CBL: variants seen among roughly 807,000 people sequenced by gnomAD.
CBL encodes Cbl proto-oncogene.
CBL carries 45 observed loss-of-function variants against 96.9 expected under a neutral mutation model. The ratio of observed to expected loss-of-function variants is 0.46; its 90% CI spans 0.37 to 0.60. The LOEUF (loss-of-function observed/expected upper bound fraction) is 0.60, where lower values mean the gene tolerates loss of function less well. Ranked by LOEUF, CBL falls within the 20% of genes least tolerant of loss-of-function variation. CBL has a pLI of 0.00. For missense variants in CBL, 1,024 were observed against 1,143.5 expected (o/e 0.90, Z 1.51); for synonymous variants, 420 against 426.8 (o/e 0.98, Z 0.20).
chr11:119,213,869 A>G (rs1293102055), intron 1 of CBL, among the ~76,000 whole-genome samples: 1 of 151,646 alleles, frequency 6.6e-6, no homozygotes, highest in East Asian at 1.9e-4. Context: ...ACTGCACCCA[A>G]CTAGTAGTTG....
rs959406307 is a variant in CBL, at chr11:119,305,976, T to C, written c.*6195T>C. 5 of 308,134 alleles carry C rather than the reference T, an allele frequency of 1.6e-5. No homozygotes were observed. The highest frequency in any genetic ancestry group is 1.4e-4 in the East Asian group (3 of 20,730). The allele number at this position is 308,134 out of a possible 1,614,324, so 19.1% of individuals were successfully genotyped here. On this transcript the variant is annotated 3_prime_UTR_variant, in exon 16 of 16. Transcript: ENST00000264033. ...TCATCAGACTTTGCCTTTGATGTTG[T>C]AGACTAGGCTCCTGAGTTAAGCAGC...
intron 12 of CBL, among the ~76,000 whole-genome samples, chr11:119,290,265 C>T (rs192499923): frequency 2.0e-5 from 3 of 152,172 alleles, no homozygotes; most frequent in Non-Finnish European, 2.9e-5. Flanking sequence ...AGGCTGGTCT[C>T]GAACTTCTGG....
rs1950107482 is a variant in CBL at position 119,302,359 on chromosome 11, TA to T, written c.*2579del. The T allele has an allele frequency of 1.3e-5, 3 of 232,670 alleles. No individual in the cohort carries two copies. The highest frequency in any genetic ancestry group is 2.2e-5 in the African/African-American group (1 of 45,326). 14.4% of individuals were successfully genotyped at this position (232,670 alleles called of 1,614,324 possible). ...GGTTATTCTCAAAACCTTAATTTCT[TA>T]TATTTTCTGTTGACTAAGGCACCAG... is the stretch of plus-strand genomic sequence containing the variant. On this transcript the variant is annotated 3_prime_UTR_variant, in exon 16 of 16. Transcript: ENST00000264033.
At chr11:119,250,922 G>A (rs1949665529) in intron 2 of CBL, among the ~76,000 whole-genome samples, 2 of 152,240 alleles carry the variant, frequency 1.3e-5, no homozygotes, top group Admixed American at 1.3e-4. Flanking sequence ...CTGCACTACA[G>A]CCTGGGTAAC....
intron 9 of CBL, among the ~76,000 whole-genome samples, chr11:119,283,503 A>G (rs569179339): frequency 5.9e-5 from 9 of 151,836 alleles, no homozygotes; most frequent in African/African-American, 2.2e-4. Context: ...CTTATCAGCT[A>G]TTCCTAAGCC....
At chr11:119,273,102 G>A (rs1949861011) in intron 3 of CBL, among the ~76,000 whole-genome samples, 1 of 151,896 alleles carries the variant, frequency 6.6e-6, no homozygotes, top group Non-Finnish European at 1.5e-5. Flanking sequence ...CCAAGTAGCT[G>A]GGACTACACG....
In CBL at chr11:119,289,423, CCT is replaced by C. The variant is rs568164400; in HGVS notation, c.2036+1480_2036+1481del. ...AGTAAGTTTTTATTATAACCAAATA[CCT>C]CTTTTACTCTGTAGTTCTATTTCTT... is the stretch of plus-strand genomic sequence containing the variant. On this transcript the variant is annotated intron_variant, in intron 12 of 15. Coordinates refer to ENST00000264033, the MANE Select transcript of CBL (RefSeq NM_005188.4). 1.7e-3 allele frequency: 263 copies of C among 152,112 alleles called. 1 individual carries two copies. The highest frequency in any genetic ancestry group is 6.0e-3 in the African/African-American group (250 of 41,500). 9.4% of individuals were successfully genotyped at this position (152,112 alleles called of 1,614,324 possible). A position where few individuals can be genotyped will look rare whatever the true frequency, so the allele number is the denominator to read the frequency against.
chr11:119,237,975 G>A (rs1329246581), intron 2 of CBL, among the ~76,000 whole-genome samples: 1 of 151,458 alleles, frequency 6.6e-6, no homozygotes, highest in African/African-American at 2.4e-5. Context: ...AGGTTCAAGC[G>A]AGTCTCCTGC....
intron 2 of CBL, among the ~76,000 whole-genome samples, chr11:119,266,628 TA>T (rs556720651): frequency 6.1e-5 from 9 of 147,776 alleles, no homozygotes; most frequent in Admixed American, 1.3e-4. Flanking sequence ...AGTCTTGAAT[TA>T]AAAAAAAAAG....
At chr11:119,246,268 C>T (rs545241142) in intron 2 of CBL, among the ~76,000 whole-genome samples, 31 of 151,918 alleles carry the variant, frequency 2.0e-4, no homozygotes, top group African/African-American at 6.8e-4. Context: ...CCACCGCGCC[C>T]GGCCTTACAA....
chr11:119,302,872 T>TC lies in CBL; in HGVS notation c.*3097dup, dbSNP rs546102164. 1.6e-3 allele frequency: 368 copies of TC among 230,722 alleles called. 1 individual carries two copies. Among genetic ancestry groups the TC allele is most frequent in the African/African-American group, 7.6e-3 (342 of 45,266 alleles). 14.3% of individuals were successfully genotyped at this position (230,722 alleles called of 1,614,324 possible). On this transcript the variant is annotated 3_prime_UTR_variant, in exon 16 of 16. Coordinates refer to ENST00000264033, the MANE Select transcript of CBL (RefSeq NM_005188.4). ...GGCCGTTCTCTTCCACTTGCTCGTC[T>TC]CCCCCCAGCCCCATTCTGCATAATC...
chr11:119,283,320 G>A (rs1291495442), intron 9 of CBL, among the ~76,000 whole-genome samples: 1 of 152,202 alleles, frequency 6.6e-6, no homozygotes, highest in Non-Finnish European at 1.5e-5. Flanking sequence ...TGTGGATAAA[G>A]CAAAGAGTTA....
chr11:119,304,756 G>GC lies in CBL; in HGVS notation c.*4976dup, dbSNP rs1357896421. 1.0e-5 allele frequency: 2 copies of GC among 195,062 alleles called. No individual in the cohort carries two copies. The highest frequency in any genetic ancestry group is 1.1e-5 in the Non-Finnish European group (1 of 93,880). 12.1% of individuals were successfully genotyped at this position (195,062 alleles called of 1,614,324 possible). ...GTTCTCTGCCTCAACCTCCCGAGTA[G>GC]CTGGGATTACAGGCGCCTGCCACCA... is the stretch of plus-strand genomic sequence containing the variant. On this transcript the variant is annotated 3_prime_UTR_variant, in exon 16 of 16. Transcript: ENST00000264033.
chr11:119,257,450 G>T (rs1042599790), intron 2 of CBL, among the ~76,000 whole-genome samples: 15 of 152,096 alleles, frequency 9.9e-5, no homozygotes, highest in Non-Finnish European at 1.9e-4. Context: ...ACTTTTTGAT[G>T]GGATTATTTG....
intron 9 of CBL, among the ~76,000 whole-genome samples, chr11:119,282,890 C>G (rs1258725753): frequency 6.6e-6 from 1 of 152,006 alleles, no homozygotes; most frequent in African/African-American, 2.4e-5. Flanking sequence ...TTGAGTCCAC[C>G]CTGGGCAACA....
chr11:119,257,394 A>G (rs1426799793), intron 2 of CBL, among the ~76,000 whole-genome samples: 1 of 151,974 alleles, frequency 6.6e-6, no homozygotes, highest in Non-Finnish European at 1.5e-5. Flanking sequence ...GTTTGTGGCC[A>G]CTTGTATATC....
At chr11:119,250,328 T>A (rs1949661901) in intron 2 of CBL, among the ~76,000 whole-genome samples, 1 of 152,206 alleles carries the variant, frequency 6.6e-6, no homozygotes, top group Admixed American at 6.5e-5. Context: ...TTCAGGTGGT[T>A]CTTTCCCTAG....
intron 1 of CBL, among the ~76,000 whole-genome samples, chr11:119,223,118 A>AT: frequency 6.7e-6 from 1 of 149,570 alleles, no homozygotes; most frequent in Non-Finnish European, 1.5e-5. Context: ...AGTTCAAAGC[A>AT]TTTGAGGTAT....
intron 7 of CBL, 141 bp downstream of exon 7, chr11:119,277,985 C>T (rs543444388): frequency 3.5e-6 from 3 of 866,066 alleles, no homozygotes; most frequent in Non-Finnish European, 5.7e-6. Flanking sequence ...CACTTTAAAC[C>T]CTGGAGCTTA....
Sources: gnomAD v4.1 joint callset for allele counts (sites outside exome capture counted in the v4.1 genomes callset) on GRCh38, gnomAD v4.1.1 for gene constraint, MANE v1.5 for transcripts, NCBI Gene and HGNC (gene_info 2026-07-23, HGNC 2026-07-21) for gene names.